The following NOX3 variants were observed in gnomAD, a reference collection of about 807,000 sequenced individuals.
NOX3 encodes NADPH oxidase catalytic subunit-like 3.
A neutral mutation model predicts 76.7 loss-of-function variants in NOX3; 74 were observed. The ratio of observed to expected loss-of-function variants is 0.96; its 90% CI spans 0.80 to 1.17. The LOEUF (loss-of-function observed/expected upper bound fraction) is 1.17. Ranked by LOEUF, NOX3 falls within the 50% of genes most tolerant of loss-of-function variation. NOX3 has a pLI of 0.00. For synonymous variants in NOX3, 263 were observed against 261.1 expected (o/e 1.01, Z -0.07); for missense variants, 695 against 703.3 (o/e 0.99, Z 0.13).
chr6:155,437,834 C>T (rs909317844), intron 6 of NOX3, among the ~76,000 whole-genome samples: 10 of 152,192 alleles, frequency 6.6e-5, no homozygotes, highest in Admixed American at 2.6e-4. Flanking sequence ...TGGGCCTTAA[C>T]ACATTCCAAT....
At chr6:155,403,357 CATT>C (rs1346729445) in intron 12 of NOX3, among the ~76,000 whole-genome samples, 1 of 152,152 alleles carries the variant, frequency 6.6e-6, no homozygotes, top group Non-Finnish European at 1.5e-5. Flanking sequence ...GGGACAAAAT[CATT>C]GACTTTGCCT....
At chr6:155,436,146 C>T (rs940323367) in intron 7 of NOX3, among the ~76,000 whole-genome samples, 7 of 152,140 alleles carry the variant, frequency 4.6e-5, no homozygotes, top group African/African-American at 1.7e-4. Flanking sequence ...CTGACTCCTC[C>T]AGGGACATCA....
intron 12 of NOX3, among the ~76,000 whole-genome samples, chr6:155,400,901 G>T (rs983207864): frequency 1.3e-5 from 2 of 152,048 alleles, no homozygotes; most frequent in African/African-American, 4.8e-5. Flanking sequence ...ATTTTGCTAG[G>T]CTCTGAGGTG....
intron 4 of NOX3, among the ~76,000 whole-genome samples, chr6:155,452,508 T>C (rs1777158204): frequency 6.6e-6 from 1 of 152,192 alleles, no homozygotes; most frequent in African/African-American, 2.4e-5. Context: ...TTGAAGACAG[T>C]CACTGGGAGC....
intron 4 of NOX3, among the ~76,000 whole-genome samples, chr6:155,445,996 T>TATATTTAA: frequency 7.4e-6 from 1 of 134,376 alleles, no homozygotes; most frequent in South Asian, 2.3e-4. Context: ...TATATATATA[T>TATATTTAA]AATATATATA....
At chr6:155,452,518 C>T (rs1001938903) in intron 4 of NOX3, among the ~76,000 whole-genome samples, 1 of 152,168 alleles carries the variant, frequency 6.6e-6, no homozygotes, top group African/African-American at 2.4e-5. Flanking sequence ...TCACTGGGAG[C>T]ATCTTCCCCT....
At chr6:155,412,278 A>G (rs537462475) in intron 10 of NOX3, among the ~76,000 whole-genome samples, 4 of 152,174 alleles carry the variant, frequency 2.6e-5, no homozygotes, top group African/African-American at 7.2e-5. Flanking sequence ...CCAGTGATCA[A>G]TGTTCTCTTC....
chr6:155,415,670 C>T (rs963792931), intron 10 of NOX3, among the ~76,000 whole-genome samples: 2 of 152,160 alleles, frequency 1.3e-5, no homozygotes, highest in Non-Finnish European at 2.9e-5. Context: ...ATAACTTGTG[C>T]AACTGGGCAA....
intron 4 of NOX3, among the ~76,000 whole-genome samples, chr6:155,447,025 G>A (rs1777073564): frequency 6.6e-6 from 1 of 151,668 alleles, no homozygotes; most frequent in Non-Finnish European, 1.5e-5. Context: ...CTTTTTTGCA[G>A]GATAAGTTTT....
chr6:155,419,791 T>G (rs1776666451), intron 10 of NOX3, among the ~76,000 whole-genome samples: 1 of 152,092 alleles, frequency 6.6e-6, no homozygotes, highest in Admixed American at 6.6e-5. Flanking sequence ...AATTTTAAAA[T>G]TTTTGGGGGT....
chr6:155,407,224 T>G lies in NOX3; in HGVS notation c.1486A>C (p.Asn496His). ...ALHIALHWDE[N>H]TDVITGLKQK... is the part of the protein sequence containing the mutation. ...TTTAAGCCTGTAATCACGTCAGTAT[T>G]TTCGTCCCAGTGTAAAGCTATGTGA... Residue 496 changes from asparagine to histidine, a missense_variant, in exon 12 of 14, where the codon AAT becomes CAT. Physicochemically the swap from Asn to His is moderately conservative, Grantham distance 68 (BLOSUM62 1). Coordinates refer to ENST00000159060, the MANE Select transcript of NOX3 (RefSeq NM_015718.3). 1 of 1,614,066 alleles carries G rather than the reference T, an allele frequency of 6.2e-7. No individual in the cohort carries two copies. Among genetic ancestry groups the G allele is most frequent in the Admixed American group, 1.7e-5 (1 of 60,028 alleles).
intron 6 of NOX3, among the ~76,000 whole-genome samples, 190 bp downstream of exon 6, chr6:155,439,766 A>G (rs1776956127): frequency 6.6e-6 from 1 of 152,168 alleles, no homozygotes; most frequent in Non-Finnish European, 1.5e-5. Context: ...AATAAATATA[A>G]TACTTCACCA....
chr6:155,443,379 T>C lies in NOX3; in HGVS notation c.380A>G (p.Tyr127Cys), dbSNP rs1157302193. 1 of 1,613,838 alleles carries C rather than the reference T, an allele frequency of 6.2e-7. No individual in the cohort carries two copies. The highest frequency in any genetic ancestry group is 1.1e-5 in the South Asian group (1 of 91,072). The change falls in exon 5 of 14, where the codon TAC becomes TGC. Residue 127 changes from tyrosine to cysteine, a missense_variant. Tyr to Cys is a radical substitution (Grantham distance 194). Transcript: ENST00000159060. ...IVAHFFNLER[Y>C]HWSQSEEAQG... ...GGCCTCCTCGGACTGGCTCCAGTGG[T>C]AGCGTTCCAGGTTGAAGAAATGCGC...
chr6:155,395,962 G>C (rs904535627), intron 13 of NOX3, among the ~76,000 whole-genome samples: 1 of 152,008 alleles, frequency 6.6e-6, no homozygotes, highest in Non-Finnish European at 1.5e-5. Flanking sequence ...AAAGAAGGAA[G>C]AAAAGAAAAC....
rs117096202 is a variant in NOX3, at chr6:155,405,202, C to T, written c.1580+1928G>A. Among the ~76,000 whole-genome samples, 1,446 of 152,186 alleles carry T rather than the reference C, an allele frequency of 9.5e-3. 10 individuals are homozygous for T. The highest frequency in any genetic ancestry group is 0.014 in the Non-Finnish European group (981 of 68,000). ...AGGATGCAAGACAATGGGAACATCG[C>T]CGGGGATATGGAAGCAGTCAGAGGT... On this transcript the variant is annotated intron_variant, in intron 12 of 13. Coordinates refer to ENST00000159060, the MANE Select transcript of NOX3 (RefSeq NM_015718.3).
chr6:155,453,592 A>C, intron 3 of NOX3, 104 bp from the exon 4 acceptor site: 1 of 872,074 alleles, frequency 1.1e-6, no homozygotes, highest in Non-Finnish European at 1.9e-6. Context: ...TAAACTGCTT[A>C]AAGTGGGGCT....
rs776233072 is a variant in NOX3 at position 155,422,724 on chromosome 6, A to G, written c.1278T>C (p.Ser426=). Residue 426 remains serine, a synonymous_variant, in exon 10 of 14, where the codon AGT becomes AGC. Transcript: ENST00000159060. ...TCAGCTTCAGTGGGGTCTGTGCCTC[A>G]CTGCATTTGTACCATATAGATTTCA... The part of the protein sequence containing the change: ...ALLKSIWYKC[S]EAQTPLKLSK... 6.2e-7 allele frequency: 1 copy of G among 1,614,110 alleles called. No homozygotes were observed. The highest frequency in any genetic ancestry group is 2.2e-5 in the East Asian group (1 of 44,874).
chr6:155,444,144 A>G (rs1777030759), intron 4 of NOX3, among the ~76,000 whole-genome samples: 1 of 152,124 alleles, frequency 6.6e-6, no homozygotes, highest in Admixed American at 6.6e-5. Context: ...TCCTTTCCAC[A>G]TTTTAGTATA....
intron 12 of NOX3, among the ~76,000 whole-genome samples, chr6:155,397,777 T>C (rs1021045071): frequency 6.6e-6 from 1 of 152,226 alleles, no homozygotes; most frequent in Non-Finnish European, 1.5e-5. Context: ...GTAATAGCAA[T>C]TTAATTAATT....
Sources: allele counts gnomAD v4.1 joint callset (sites outside exome capture counted in the v4.1 genomes callset), GRCh38; gene constraint gnomAD v4.1.1; transcripts MANE v1.5; gene names NCBI Gene and HGNC (gene_info 2026-07-23, HGNC 2026-07-21).